NEBL: variants seen among roughly 807,000 people sequenced by gnomAD.
NEBL encodes LIM and SH3 protein 2.
NEBL carries 122 observed loss-of-function variants against 140.2 expected under a neutral mutation model. The ratio of observed to expected loss-of-function variants is 0.87; its 90% confidence interval spans 0.75 to 1.01. The LOEUF is 1.01. Among genes scored for constraint, NEBL ranks in the 50% least tolerant of loss-of-function variants. NEBL has a pLI of 0.00. For synonymous variants in NEBL, 436 were observed against 398.9 expected, an observed-to-expected ratio of 1.09 and a Z score of -1.11; for missense variants, 1,365 against 1,231.3, an observed-to-expected ratio of 1.11 and a Z score of -1.62.
At chr10:20,862,812 G>C (rs565042654) in intron 7 of NEBL, among the ~76,000 whole-genome samples, 1 of 152,046 alleles carries the variant, frequency 6.6e-6, no homozygotes, top group South Asian at 2.1e-4. Context: ...CATATGACTG[G>C]CTTTATTTAC....
At chr10:20,927,889 G>A (rs993881260) in intron 4 of NEBL, among the ~76,000 whole-genome samples, 4 of 152,104 alleles carry the variant, frequency 2.6e-5, no homozygotes, top group Admixed American at 6.6e-5. Context: ...CATAAAATAC[G>A]AAGCTTTCAT....
Position 20,786,068 on chromosome 10 carries a change from T to C in NEBL, c.2869-145A>G. 4 of 806,204 alleles carry C rather than the reference T, an allele frequency of 5.0e-6. No individual in the cohort carries two copies. The South Asian group carries it at 5.0e-5, about 10-fold the overall frequency. 49.9% of individuals were successfully genotyped at this position (806,204 alleles called of 1,614,324 possible). On this transcript the variant is annotated intron_variant, in intron 27 of 27. Transcript: ENST00000377122. ...TCTCTGGAAATCTGTAAACCTAGCA[T>C]CTCATTGTGCTGATCTCAAGTTTAC... is the stretch of plus-strand genomic sequence containing the variant.
At chr10:21,279,935 A>T (rs1283376435) in intron 1 of NEBL, among the ~76,000 whole-genome samples, 1 of 152,114 alleles carries the variant, frequency 6.6e-6, no homozygotes, top group Non-Finnish European at 1.5e-5. Context: ...GAAGTATCAG[A>T]TCTACTTCTT....
intron 1 of NEBL, among the ~76,000 whole-genome samples, chr10:21,281,630 G>T (rs1282751919): frequency 1.3e-5 from 2 of 152,024 alleles, no homozygotes; most frequent in African/African-American, 4.8e-5. Context: ...TCCCACACCA[G>T]TGTGGGACAT....
chr10:21,188,196 T>C (rs1841508355), intron 3 of NEBL, among the ~76,000 whole-genome samples: 1 of 152,200 alleles, frequency 6.6e-6, no homozygotes, highest in Non-Finnish European at 1.5e-5. Context: ...CCTAAGAAGA[T>C]TTGCTGATTT....
intron 2 of NEBL, among the ~76,000 whole-genome samples, chr10:21,251,698 C>T (rs1260373209): frequency 6.6e-6 from 1 of 152,084 alleles, no homozygotes; most frequent in African/African-American, 2.4e-5. Context: ...GGGATTAACA[C>T]CCCTATAAAA....
intron 26 of NEBL, among the ~76,000 whole-genome samples, chr10:20,793,671 A>T (rs1836227584): frequency 1.3e-5 from 2 of 151,246 alleles, no homozygotes; most frequent in Admixed American, 1.3e-4. Context: ...CTCCCACCAC[A>T]GCCTCCCAAG....
chr10:20,959,133 A>G (rs1366821051), intron 4 of NEBL, among the ~76,000 whole-genome samples: 2 of 152,302 alleles, frequency 1.3e-5, no homozygotes, highest in Non-Finnish European at 2.9e-5. Context: ...ATATTCAGAG[A>G]TAAACTAGAA....
At chr10:21,171,719 T>C (rs1841084596) in intron 2 of NEBL, 1 of 155,502 alleles carries the variant, frequency 6.4e-6, no homozygotes, top group Non-Finnish European at 1.4e-5. Context: ...CTAATTGCTA[T>C]TCTAGGCTAG....
intron 3 of NEBL, among the ~76,000 whole-genome samples, chr10:21,185,573 C>T (rs1460394622): frequency 1.4e-5 from 2 of 144,042 alleles, no homozygotes; most frequent in African/African-American, 2.6e-5. Flanking sequence ...TCTCAGCTCA[C>T]CACAACCCTC....
rs144861051 is a variant in NEBL at position 20,994,225 on chromosome 10, G to A, written c.249+25892C>T. Reference sequence around the variant, plus strand: ...CTTTTCACTGAGTCATTTATTTTATGTCATACTTAATTGCTCTCTTTAGTC... The same window carrying A: ...CTTTTCACTGAGTCATTTATTTTATATCATACTTAATTGCTCTCTTTAGTC... On this transcript the variant is annotated intron_variant, in intron 3 of 6. Transcript: ENST00000417816. 3.9e-5 allele frequency among the ~76,000 whole-genome samples: 6 copies of A among 152,228 alleles called. No individual in the cohort carries two copies. In the East Asian group the frequency reaches 1.2e-3, roughly 29 times the overall value.
At chr10:21,150,539 C>T (rs570075218) in intron 2 of NEBL, among the ~76,000 whole-genome samples, 31 of 152,278 alleles carry the variant, frequency 2.0e-4, no homozygotes, top group Admixed American at 1.8e-3. Flanking sequence ...TATCTCCAAA[C>T]ATTTGCACTG....
intron 2 of NEBL, among the ~76,000 whole-genome samples, chr10:21,083,568 C>T (rs1238069516): frequency 2.0e-5 from 3 of 152,060 alleles, no homozygotes; most frequent in Non-Finnish European, 4.4e-5. Context: ...GAGAAGTCCT[C>T]GGTGGAAGAG....
chr10:21,163,735 C>T (rs1057431547), intron 2 of NEBL, among the ~76,000 whole-genome samples: 2 of 152,204 alleles, frequency 1.3e-5, no homozygotes, highest in South Asian at 2.1e-4. Context: ...AGAAGTACAA[C>T]AGACCACCAG....
At chr10:21,292,468 A>G (rs1843158407) in intron 1 of NEBL, among the ~76,000 whole-genome samples, 1 of 152,252 alleles carries the variant, frequency 6.6e-6, no homozygotes, top group South Asian at 2.1e-4. Context: ...TGGGGTTGAA[A>G]TAAATGTTAG....
intron 2 of NEBL, among the ~76,000 whole-genome samples, chr10:21,050,110 A>T (rs1218863764): frequency 6.6e-6 from 1 of 152,154 alleles, no homozygotes; most frequent in Non-Finnish European, 1.5e-5. Flanking sequence ...AACCTTATAA[A>T]CTGCTACTAT....
At chr10:20,967,780 G>T (rs953083932) in intron 3 of NEBL, among the ~76,000 whole-genome samples, 6 of 152,064 alleles carry the variant, frequency 3.9e-5, no homozygotes, top group African/African-American at 1.4e-4. Context: ...ATTTGATGGC[G>T]AATTCACACG....
At chr10:20,848,156 C>T (rs539642646) in intron 11 of NEBL, among the ~76,000 whole-genome samples, 1 of 152,244 alleles carries the variant, frequency 6.6e-6, no homozygotes, top group East Asian at 1.9e-4. Flanking sequence ...GGCTCTACTC[C>T]ATCCAAAAAG....
At position 21,154,105 on chromosome 10, in the gene NEBL, A is replaced by C. The variant is rs56782629; in HGVS notation, c.164+18278T>G. ...TCCAGTTCAGAAAGGAACTTCTCAT[A>C]TTATTAATACCATACAGAGAATAAA... On this transcript the variant is annotated intron_variant, in intron 2 of 6. Coordinates refer to the NEBL transcript ENST00000417816. 3.9e-3 allele frequency among the ~76,000 whole-genome samples: 594 copies of C among 152,260 alleles called. 4 individuals are homozygous for C. The highest frequency in any genetic ancestry group is 0.014 in the African/African-American group (563 of 41,564).
Sources: gnomAD v4.1 joint callset for allele counts (sites outside exome capture counted in the v4.1 genomes callset) on GRCh38, gnomAD v4.1.1 for gene constraint, MANE v1.5 for transcripts, NCBI Gene and HGNC (gene_info 2026-07-23, HGNC 2026-07-21) for gene names.